Variants in NYAP2 observed in about 807,000 individuals in gnomAD.
NYAP2 encodes neuronal tyrosine-phosphorylated phosphoinositide-3-kinase adaptor 2, also known as neuronal tyrosine-phosphorylated phosphoinositide-3-kinase adapter 2.
NYAP2 carries 23 observed loss-of-function variants against 50.4 expected under a neutral mutation model. That is an observed-to-expected ratio of 0.46 (90% CI 0.33 to 0.65). The LOEUF (loss-of-function observed/expected upper bound fraction) is 0.65. NYAP2 is among the 30% of genes least tolerant of loss of function. The pLI is 0.02. For missense variants in NYAP2, 885 were observed against 861.0 expected (o/e 1.03, Z -0.35); for synonymous variants, 394 against 365.2 (o/e 1.08, Z -0.90).
chr2:225,644,916 T>C, intron 6 of NYAP2, among the ~76,000 whole-genome samples: 1 of 152,118 alleles, frequency 6.6e-6, no homozygotes, highest in Admixed American at 6.6e-5. Context: ...ATTGACTTGG[T>C]GATGCAGGCT....
the NYAP2 span, among the ~76,000 whole-genome samples, chr2:225,673,941 C>G: frequency 1.3e-5 from 2 of 152,110 alleles, no homozygotes; most frequent in Non-Finnish European, 2.9e-5. Context: ...ACAAAGCAGG[C>G]TGTCTGTTCC....
the NYAP2 span, among the ~76,000 whole-genome samples, chr2:225,680,905 A>G: frequency 6.6e-6 from 1 of 152,182 alleles, no homozygotes; most frequent in East Asian, 1.9e-4. Flanking sequence ...GGAAATTATT[A>G]TTCTAAACCA....
intron 3 of NYAP2, among the ~76,000 whole-genome samples, chr2:225,471,891 A>G (rs555979651): frequency 2.0e-5 from 3 of 152,332 alleles, no homozygotes; most frequent in African/African-American, 7.2e-5. Context: ...CAGCAAACCT[A>G]TCAGACATCA....
the NYAP2 span, among the ~76,000 whole-genome samples, chr2:225,681,520 C>T: frequency 4.6e-5 from 7 of 152,262 alleles, no homozygotes; most frequent in African/African-American, 9.6e-5. Flanking sequence ...TTCTGGAATT[C>T]GATCTGGCTA....
At chr2:225,562,504 A>T (rs1226274223) in intron 4 of NYAP2, among the ~76,000 whole-genome samples, 2 of 152,124 alleles carry the variant, frequency 1.3e-5, no homozygotes, top group African/African-American at 4.8e-5. Context: ...ATTTTAGGAC[A>T]TGGGTTTGAT....
chr2:225,641,934 T>C (rs1406990860), intron 6 of NYAP2, among the ~76,000 whole-genome samples: 1 of 152,078 alleles, frequency 6.6e-6, no homozygotes, highest in African/African-American at 2.4e-5. Flanking sequence ...AACATAAAAA[T>C]CATCTTTTAG....
intron 4 of NYAP2, among the ~76,000 whole-genome samples, chr2:225,534,070 A>T (rs918795925): frequency 6.6e-6 from 1 of 152,114 alleles, no homozygotes; most frequent in Admixed American, 6.6e-5. Context: ...TGGCACATTA[A>T]AAAAAAACAA....
At chr2:225,486,191 G>T (rs553887951) in intron 3 of NYAP2, among the ~76,000 whole-genome samples, 1 of 152,274 alleles carries the variant, frequency 6.6e-6, no homozygotes, top group South Asian at 2.1e-4. Flanking sequence ...TTTAGAACAA[G>T]TGTGAAAAAG....
In NYAP2 at chr2:225,441,948, G is replaced by T. The variant is rs187560091; in HGVS notation, c.221+32847G>T. The stretch of plus-strand genomic sequence containing the variant: ...TTAGCTCAGTGCCTAGTAAACAGTC[G>T]TCACTCCATAAATGGCTACTATCAT... On this transcript the variant is annotated intron_variant, in intron 3 of 6. Transcript: ENST00000636099. Among the ~76,000 whole-genome samples the T allele has an allele frequency of 1.4e-4, 22 of 152,186 alleles. No homozygotes were observed. The East Asian group carries it at 3.7e-3, about 25-fold the overall frequency.
Position 225,513,687 on chromosome 2 carries a change from G to A in NYAP2, c.523+15G>A. 6.7e-7 allele frequency: 1 copy of A among 1,489,438 alleles called. No homozygotes were observed. The highest frequency in any genetic ancestry group is 8.9e-7 in the Non-Finnish European group (1 of 1,119,806). 92.3% of individuals were successfully genotyped at this position (1,489,438 alleles called of 1,614,324 possible). On this transcript the variant is annotated intron_variant, in intron 4 of 6. Coordinates refer to ENST00000636099, the Ensembl canonical transcript of NYAP2. ...GAGGACTGAAGGTAAAACACGCCAT[G>A]TCCATGTCACCTAGAAATCTCTTTC...
At chr2:225,667,059 C>T in the NYAP2 span, among the ~76,000 whole-genome samples, 3 of 152,210 alleles carry the variant, frequency 2.0e-5, no homozygotes, top group South Asian at 6.2e-4. Context: ...CATGACTCTC[C>T]AGACCCGTTA....
chr2:225,424,349 A>G (rs1349110272), intron 3 of NYAP2, among the ~76,000 whole-genome samples: 2 of 152,136 alleles, frequency 1.3e-5, no homozygotes, highest in East Asian at 3.8e-4. Flanking sequence ...TTTGAACTCT[A>G]ATTATCATCT....
At chr2:225,468,849 A>T (rs1339902503) in intron 3 of NYAP2, among the ~76,000 whole-genome samples, 1 of 152,244 alleles carries the variant, frequency 6.6e-6, no homozygotes, top group African/African-American at 2.4e-5. Context: ...TGTAACCTGT[A>T]AAGGTAATAG....
the NYAP2 span, among the ~76,000 whole-genome samples, chr2:225,687,396 G>A: frequency 6.6e-6 from 1 of 152,168 alleles, no homozygotes; most frequent in South Asian, 2.1e-4. Flanking sequence ...CAAGATAGAA[G>A]GTGCATATAA....
At chr2:225,670,096 T>G in the NYAP2 span, among the ~76,000 whole-genome samples, 6 of 152,314 alleles carry the variant, frequency 3.9e-5, no homozygotes, top group East Asian at 1.2e-3. Flanking sequence ...TGGAAGGTTT[T>G]ATAGATAGGT....
intron 3 of NYAP2, among the ~76,000 whole-genome samples, chr2:225,433,429 G>A (rs891181956): frequency 1.3e-5 from 2 of 151,678 alleles, no homozygotes; most frequent in Admixed American, 1.3e-4. Flanking sequence ...CAAAATCCTG[G>A]CGTATGTATA....
chr2:225,432,493 ATATAGG>A (rs1258029806), intron 3 of NYAP2, among the ~76,000 whole-genome samples: 1 of 150,412 alleles, frequency 6.6e-6, no homozygotes, highest in Admixed American at 6.6e-5. Flanking sequence ...AAATAGAGAG[ATATAGG>A]TATATTTATA....
chr2:225,690,418 G>T, the NYAP2 span, among the ~76,000 whole-genome samples: 1 of 152,050 alleles, frequency 6.6e-6, no homozygotes, highest in South Asian at 2.1e-4. Context: ...TTTATTGAGG[G>T]CTATGTTGTT....
At chr2:225,564,362 C>T (rs1559215627) in intron 4 of NYAP2, among the ~76,000 whole-genome samples, 1 of 151,714 alleles carries the variant, frequency 6.6e-6, no homozygotes, top group East Asian at 1.9e-4. Flanking sequence ...ACTGCTACTT[C>T]TGCTTGTGTT....
Sources: allele counts gnomAD v4.1 joint callset (sites outside exome capture counted in the v4.1 genomes callset), GRCh38; gene constraint gnomAD v4.1.1; transcripts MANE v1.5; gene names NCBI Gene and HGNC (gene_info 2026-07-23, HGNC 2026-07-21).